GTF2E2: variants seen among roughly 807,000 people sequenced by gnomAD.
The protein encoded by GTF2E2 is transcription initiation factor IIE subunit beta.
Under a neutral mutation model 40.5 loss-of-function variants are expected in GTF2E2, and 21 were observed. That is an observed-to-expected ratio of 0.52 (90% CI 0.37 to 0.75). The LOEUF is 0.75. GTF2E2 is among the 30% of genes least tolerant of loss of function. GTF2E2 has a pLI of 0.00. For synonymous variants in GTF2E2, 117 were observed against 121.6 expected, an observed-to-expected ratio of 0.96 and a Z score of 0.25; for missense variants, 298 against 338.4, an observed-to-expected ratio of 0.88 and a Z score of 0.94.
chr8:30,639,135 G>T (rs555383041), intron 2 of GTF2E2, among the ~76,000 whole-genome samples: 1 of 152,232 alleles, frequency 6.6e-6, no homozygotes, highest in South Asian at 2.1e-4. Context: ...TGAGAAAATA[G>T]TTCAAAATTA....
intron 3 of GTF2E2, among the ~76,000 whole-genome samples, chr8:30,618,734 A>T (rs889613502): frequency 1.2e-4 from 19 of 152,222 alleles, no homozygotes; most frequent in African/African-American, 4.1e-4. Flanking sequence ...AAAATAATTA[A>T]AATAAGCCAT....
chr8:30,625,447 T>A (rs1412929481), intron 3 of GTF2E2, among the ~76,000 whole-genome samples: 1 of 152,094 alleles, frequency 6.6e-6, no homozygotes, highest in Non-Finnish European at 1.5e-5. Flanking sequence ...ATCGTGATTT[T>A]AAAAAATAAA....
chr8:30,580,239 C>A, intron 7 of GTF2E2, 42 bp downstream of exon 7: 1 of 1,091,754 alleles, frequency 9.2e-7, no homozygotes, highest in East Asian at 2.4e-5. Flanking sequence ...GCTAACAGTT[C>A]CCAGGGCAGG....
At chr8:30,652,298 A>G (rs1563512899) in intron 2 of GTF2E2, among the ~76,000 whole-genome samples, 4 of 152,216 alleles carry the variant, frequency 2.6e-5, no homozygotes, top group Non-Finnish European at 1.5e-5. Flanking sequence ...ACTTGCTTGG[A>G]GAAAATATTT....
At chr8:30,649,767 C>T (rs1195117794) in intron 2 of GTF2E2, among the ~76,000 whole-genome samples, 3 of 151,680 alleles carry the variant, frequency 2.0e-5, no homozygotes, top group East Asian at 1.9e-4. Context: ...AGCAAGACTC[C>T]GTCTCAAAAA....
At chr8:30,600,243 T>C (rs924377853) in intron 6 of GTF2E2, among the ~76,000 whole-genome samples, 1 of 152,230 alleles carries the variant, frequency 6.6e-6, no homozygotes, top group Non-Finnish European at 1.5e-5. Flanking sequence ...TTCTTTGCTA[T>C]CTGTTTAACC....
At chr8:30,637,150 A>G (rs1257976008) in intron 2 of GTF2E2, 1 of 448,792 alleles carries the variant, frequency 2.2e-6, no homozygotes, top group Non-Finnish European at 4.5e-6. Context: ...GCCTTTACAC[A>G]GATTATTCCA....
In GTF2E2 at chr8:30,658,181, G is replaced by A. The variant is rs934075545; in HGVS notation, c.-213C>T. On this transcript the variant is annotated 5_prime_UTR_variant, in exon 1 of 8. Coordinates refer to ENST00000355904, the MANE Select transcript of GTF2E2 (RefSeq NM_002095.6). Reference sequence around the variant, plus strand: ...GGCGGCAGCGGCGGTAGCTGAGGCGGCGACTGGACCCGGGACTCCGCCCGC... The same window carrying A: ...GGCGGCAGCGGCGGTAGCTGAGGCGACGACTGGACCCGGGACTCCGCCCGC... 45 of 195,258 alleles carry A rather than the reference G, an allele frequency of 2.3e-4. 1 individual carries two copies. The highest frequency in any genetic ancestry group is 2.3e-3 in the Middle Eastern group (1 of 432). The allele number at this position is 195,258 out of a possible 1,614,324, so 12.1% of individuals were successfully genotyped here. A position where few individuals can be genotyped will look rare whatever the true frequency, so the allele number is the denominator to read the frequency against.
intron 3 of GTF2E2, among the ~76,000 whole-genome samples, chr8:30,632,230 C>G (rs927873372): frequency 1.3e-5 from 2 of 152,300 alleles, no homozygotes; most frequent in Admixed American, 6.5e-5. Context: ...TAAATTATTA[C>G]AAAAATTGAC....
intron 4 of GTF2E2, among the ~76,000 whole-genome samples, chr8:30,613,012 CTG>C (rs1490043889): frequency 1.3e-5 from 2 of 152,202 alleles, no homozygotes; most frequent in Non-Finnish European, 2.9e-5. Flanking sequence ...ATAAAAGAAA[CTG>C]TGTTTTATTT....
chr8:30,596,409 C>G (rs376009104), intron 6 of GTF2E2, among the ~76,000 whole-genome samples: 2 of 152,142 alleles, frequency 1.3e-5, no homozygotes, highest in Non-Finnish European at 2.9e-5. Flanking sequence ...AGACATTTTT[C>G]ACCTATGTTA....
intron 2 of GTF2E2, among the ~76,000 whole-genome samples, chr8:30,650,106 T>C (rs372381571): frequency 2.0e-5 from 3 of 152,072 alleles, no homozygotes; most frequent in East Asian, 3.9e-4. Context: ...GAGGCCAGAA[T>C]TACCCTGAGA....
At chr8:30,650,607 C>T (rs1022684352) in intron 2 of GTF2E2, among the ~76,000 whole-genome samples, 1 of 151,624 alleles carries the variant, frequency 6.6e-6, no homozygotes, top group African/African-American at 2.4e-5. Flanking sequence ...GAGACTGAGG[C>T]TTGCTTGAGC....
chr8:30,657,238 T>C (rs560870591), intron 1 of GTF2E2, among the ~76,000 whole-genome samples: 7 of 152,298 alleles, frequency 4.6e-5, no homozygotes, highest in Non-Finnish European at 8.8e-5. Flanking sequence ...ACAGGCTACA[T>C]CACCATGTCC....
At chr8:30,635,600 C>T (rs1337823810) in intron 2 of GTF2E2, among the ~76,000 whole-genome samples, 1 of 152,056 alleles carries the variant, frequency 6.6e-6, no homozygotes, top group Admixed American at 6.6e-5. Context: ...CCAGGCTGGT[C>T]TCAAACTCCT....
chr8:30,618,269 C>CCTGG lies in GTF2E2; in HGVS notation c.259-3555_259-3554insCCAG, dbSNP rs3837155. 8.9e-5 allele frequency among the ~76,000 whole-genome samples: 13 copies of CCTGG among 145,940 alleles called. No individual in the cohort carries two copies. The East Asian group carries it at 1.4e-3, about 16-fold the overall frequency. ...CCGAGGTTGCACTATTGCACTCCAG[C>CCTGG]GCAACACTCTGTCTCGGGGGGCGGG... On this transcript the variant is annotated intron_variant, in intron 3 of 7. Coordinates refer to ENST00000355904, the MANE Select transcript of GTF2E2 (RefSeq NM_002095.6).
In GTF2E2 at chr8:30,629,993, A is replaced by T. The variant is rs190357953; in HGVS notation, c.258+5039T>A. ...TCTGAGAATTAAAGTGCTGTCTCAT[A>T]TGAAGAAAGAGGCATCCTAAGGGGA... On this transcript the variant is annotated intron_variant, in intron 3 of 7. Transcript: ENST00000355904. 3.8e-3 allele frequency among the ~76,000 whole-genome samples: 577 copies of T among 152,332 alleles called. 2 individuals are homozygous for T. The highest frequency in any genetic ancestry group is 0.013 in the African/African-American group (530 of 41,576).
intron 2 of GTF2E2, chr8:30,643,773 C>A (rs1210974221): frequency 6.6e-6 from 1 of 151,186 alleles, no homozygotes; most frequent in Non-Finnish European, 1.5e-5. Context: ...AAGTCTTAAC[C>A]CAATTTTTGA....
At chr8:30,640,969 T>C (rs1386876494) in intron 2 of GTF2E2, among the ~76,000 whole-genome samples, 5 of 152,130 alleles carry the variant, frequency 3.3e-5, no homozygotes, top group African/African-American at 1.2e-4. Flanking sequence ...CCTCCCAGAG[T>C]GCTAGGATTA....
Sources: allele counts gnomAD v4.1 joint callset (sites outside exome capture counted in the v4.1 genomes callset), GRCh38; gene constraint gnomAD v4.1.1; transcripts MANE v1.5; gene names NCBI Gene and HGNC (gene_info 2026-07-23, HGNC 2026-07-21).